Variants in ARHGEF3 observed in about 807,000 individuals in gnomAD.
ARHGEF3 encodes the protein Rho guanine nucleotide exchange factor 3.
A neutral mutation model predicts 63.2 loss-of-function variants in ARHGEF3; 28 were observed. That is an observed-to-expected ratio of 0.44 (90% CI 0.33 to 0.61). ARHGEF3 has a LOEUF of 0.61. ARHGEF3 is among the 20% of genes least tolerant of loss of function. The pLI is 0.03. For missense variants in ARHGEF3, 533 were observed against 659.3 expected (o/e 0.81, Z 2.10); for synonymous variants, 266 against 254.2 (o/e 1.05, Z -0.44).
At chr3:57,074,364 G>A (rs959031010) in intron 1 of ARHGEF3, 4 of 1,116,704 alleles carry the variant, frequency 3.6e-6, no homozygotes, top group Non-Finnish European at 5.2e-6. Flanking sequence ...CCCCACCAGG[G>A]GTGACTCGTA....
chr3:56,930,420 T>C (rs2042380904), intron 3 of ARHGEF3, among the ~76,000 whole-genome samples: 1 of 152,092 alleles, frequency 6.6e-6, no homozygotes, highest in Non-Finnish European at 1.5e-5. Context: ...AAAACCAGCG[T>C]CAAGCATAAG....
intron 4 of ARHGEF3, among the ~76,000 whole-genome samples, chr3:56,825,979 T>C (rs1559971957): frequency 6.6e-6 from 1 of 152,178 alleles, no homozygotes; most frequent in Non-Finnish European, 1.5e-5. Flanking sequence ...TTCAGTTCCT[T>C]CTAGTAACTG....
At chr3:56,940,061 T>C (rs1380314419) in intron 3 of ARHGEF3, 1 of 152,176 alleles carries the variant, frequency 6.6e-6, no homozygotes, top group Non-Finnish European at 1.5e-5. Context: ...GCTGTCTCTC[T>C]GTAGATGGCT....
At chr3:56,998,325 C>G (rs1278867800) in intron 2 of ARHGEF3, among the ~76,000 whole-genome samples, 1 of 152,068 alleles carries the variant, frequency 6.6e-6, no homozygotes, top group Non-Finnish European at 1.5e-5. Context: ...GTATCAGATA[C>G]TGTTGAATAT....
chr3:56,986,554 G>A (rs923623685), intron 2 of ARHGEF3, among the ~76,000 whole-genome samples: 2 of 152,160 alleles, frequency 1.3e-5, no homozygotes, highest in African/African-American at 2.4e-5. Flanking sequence ...CCCTGGGGAC[G>A]GTGCAGTTGG....
intron 2 of ARHGEF3, among the ~76,000 whole-genome samples, chr3:56,773,441 G>A (rs754725959): frequency 1.3e-5 from 2 of 152,102 alleles, no homozygotes; most frequent in Admixed American, 6.6e-5. Flanking sequence ...GAAAAAAATC[G>A]CGTGAGAGTA....
At position 56,903,069 on chromosome 3, in the gene ARHGEF3, T is replaced by TACACACACAC. The variant is rs55802504; in HGVS notation, c.130-20725_130-20716dup. On this transcript the variant is annotated intron_variant, in intron 3 of 12. Transcript: ENST00000338458. ...CTTCTGTGTGTCCCCTCTCTAAACATACACACACACACACACACACAGAGA... is the reference window on the plus strand; with the variant it reads ...CTTCTGTGTGTCCCCTCTCTAAACATACACACACACACACACACACACACACACACAGAGA... 1.0e-4 allele frequency among the ~76,000 whole-genome samples: 15 copies of TACACACACAC among 148,142 alleles called. No individual in the cohort carries two copies. In the East Asian group the frequency reaches 1.6e-3, roughly 16 times the overall value.
chr3:57,042,679 TA>T (rs56331104), intron 1 of ARHGEF3, among the ~76,000 whole-genome samples: 886 of 46,902 alleles, frequency 0.019, 87 homozygotes, highest in African/African-American at 0.079. Context: ...TATATATATA[TA>T]TATATATATA....
intron 2 of ARHGEF3, among the ~76,000 whole-genome samples, chr3:56,995,666 A>AGAGAGG (rs1553800613): frequency 1.3e-4 from 17 of 127,114 alleles, no homozygotes; most frequent in Non-Finnish European, 1.2e-4. Flanking sequence ...AGAGAGAGAG[A>AGAGAGG]GAGAGAATTT....
intron 3 of ARHGEF3, among the ~76,000 whole-genome samples, chr3:56,941,903 A>G (rs182620188): frequency 1.3e-5 from 2 of 152,312 alleles, no homozygotes; most frequent in African/African-American, 2.4e-5. Context: ...CTCTGCATCA[A>G]TTGCACTTGT....
chr3:56,777,991 C>T (rs2107859207), intron 1 of ARHGEF3, among the ~76,000 whole-genome samples: 1 of 152,312 alleles, frequency 6.6e-6, no homozygotes, highest in East Asian at 1.9e-4. Context: ...AAAGCCTTTT[C>T]AGGGTTCTAT....
In ARHGEF3 at chr3:56,821,158, CA is replaced by C. The variant is rs551061513; in HGVS notation, c.193-47343del. On this transcript the variant is annotated intron_variant, in intron 4 of 12. Transcript: ENST00000338458. ...GGCAACAGAGTGAGAGACCCTGTCT[CA>C]AAAAAAAATAAATAAATAAAAAAAA... 6.7e-3 allele frequency among the ~76,000 whole-genome samples: 990 copies of C among 148,100 alleles called. 7 individuals carry two copies. The highest frequency in any genetic ancestry group is 0.022 in the African/African-American group (904 of 40,290).
At chr3:56,872,204 G>A (rs2040452388) in intron 4 of ARHGEF3, among the ~76,000 whole-genome samples, 1 of 152,140 alleles carries the variant, frequency 6.6e-6, no homozygotes, top group African/African-American at 2.4e-5. Context: ...GTGTTCATAG[G>A]TTTTGCAAAA....
chr3:56,758,348 G>A (rs2035222039), intron 2 of ARHGEF3, among the ~76,000 whole-genome samples: 1 of 151,574 alleles, frequency 6.6e-6, no homozygotes, highest in Non-Finnish European at 1.5e-5. Flanking sequence ...CCAGTTCTTC[G>A]GGAAGCCAAG....
chr3:57,024,074 A>G (rs1703370173), intron 2 of ARHGEF3, among the ~76,000 whole-genome samples: 1 of 152,158 alleles, frequency 6.6e-6, no homozygotes, highest in Admixed American at 6.5e-5. Flanking sequence ...TGCACCCTTC[A>G]TACTCCCTTG....
At chr3:56,994,043 G>A (rs1205567134) in intron 2 of ARHGEF3, among the ~76,000 whole-genome samples, 5 of 59,238 alleles carry the variant, frequency 8.4e-5, no homozygotes, top group Admixed American at 5.6e-4. Flanking sequence ...CAGCCTGGGC[G>A]ACAAGAGTGA....
At chr3:56,938,378 T>C (rs1699006437) in intron 3 of ARHGEF3, among the ~76,000 whole-genome samples, 1 of 152,242 alleles carries the variant, frequency 6.6e-6, no homozygotes, top group African/African-American at 2.4e-5. Context: ...CTAATTTCAA[T>C]TACGGAGGAA....
intron 3 of ARHGEF3, among the ~76,000 whole-genome samples, chr3:56,918,490 T>C (rs1047100409): frequency 4.6e-5 from 7 of 152,138 alleles, no homozygotes; most frequent in Non-Finnish European, 1.5e-5. Flanking sequence ...GAGGTGAAAC[T>C]TGAGGGGCTC....
chr3:56,755,715 A>G (rs2171855), intron 2 of ARHGEF3, among the ~76,000 whole-genome samples: 41,568 of 152,040 alleles, frequency 0.27, 7,633 homozygotes, highest in East Asian at 0.52. Context: ...TTACGGGAGA[A>G]AGGAGGAAAG....
Sources: allele counts gnomAD v4.1 joint callset (sites outside exome capture counted in the v4.1 genomes callset), GRCh38; gene constraint gnomAD v4.1.1; transcripts MANE v1.5; gene names NCBI Gene and HGNC (gene_info 2026-07-23, HGNC 2026-07-21).